Variants in ANKRD11 observed in about 807,000 individuals in gnomAD.
The protein encoded by ANKRD11 is ankyrin repeat domain 11, also known as ankyrin repeat domain-containing protein 11.
A neutral mutation model predicts 195.7 loss-of-function variants in ANKRD11; 17 were observed. The ratio of observed to expected loss-of-function variants is 0.09; its 90% CI spans 0.06 to 0.13. The LOEUF is 0.13. Among genes scored for constraint, ANKRD11 ranks in the 10% least tolerant of loss-of-function variants. The pLI, the probability that ANKRD11 is intolerant of heterozygous loss-of-function variation, is 1.00. For missense variants in ANKRD11, 3,735 were observed against 3,566.1 expected (o/e 1.05, Z -1.21); for synonymous variants, 1,953 against 1,528.1 (o/e 1.28, Z -6.49).
intron 3 of ANKRD11, 79 bp downstream of exon 3, chr16:89,316,854 C>T (rs903344547): frequency 9.8e-6 from 15 of 1,527,434 alleles, no homozygotes; most frequent in Non-Finnish European, 1.3e-5. Flanking sequence ...GAACAGGCCA[C>T]AGGCGGGCAG....
intron 2 of ANKRD11, among the ~76,000 whole-genome samples, chr16:89,407,455 G>T (rs1023924314): frequency 6.6e-6 from 1 of 152,082 alleles, no homozygotes; most frequent in South Asian, 2.1e-4. Context: ...CAGGGCCCCT[G>T]CCCCAAGCCA....
At position 89,283,363 on chromosome 16, in the gene ANKRD11, T is replaced by C; in HGVS notation, c.3179A>G (p.Lys1060Arg). 1.2e-6 allele frequency: 2 copies of C among 1,613,836 alleles called. No individual in the cohort carries two copies. Among genetic ancestry groups the C allele is most frequent in the Non-Finnish European group, 1.7e-6 (2 of 1,180,014 alleles). ...KEFDKCFKEKKDTKEKHKDTH... is the reference protein window; with the variant it reads ...KEFDKCFKEKRDTKEKHKDTH... ...GTCTTTATGTTTTTCCTTGGTATCT[T>C]TTTTCTCTTTAAAACATTTATCAAA... The change falls in exon 9 of 13, where the codon AAA becomes AGA. Residue 1060 changes from lysine (K) to arginine (R), a missense_variant. By Grantham distance (26) the Lys-to-Arg change is conservative (BLOSUM62 2). Coordinates refer to ENST00000301030, the MANE Select transcript of ANKRD11 (RefSeq NM_013275.6). This position sits in a 1 kb window ranked among gnomAD's most constrained non-coding sequence, Gnocchi z 4.3.
intron 2 of ANKRD11, chr16:89,324,197 AGC>A (rs1408792805): frequency 1.7e-6 from 2 of 1,175,754 alleles, no homozygotes; most frequent in East Asian, 1.3e-4. Flanking sequence ...CAGCACCGAG[AGC>A]GCGTTCAGCA....
chr16:89,304,584 GTACA>G (rs915507936), intron 4 of ANKRD11, among the ~76,000 whole-genome samples: 5 of 145,346 alleles, frequency 3.4e-5, no homozygotes, highest in African/African-American at 5.2e-5. Context: ...GTACATACAA[GTACA>G]TACACACACG....
At position 89,280,769 on chromosome 16, in the gene ANKRD11, G is replaced by A. The variant is rs199914958; in HGVS notation, c.5773C>T (p.Pro1925Ser). The A allele has an allele frequency of 2.5e-6, 4 of 1,612,066 alleles. No homozygotes were observed. Among genetic ancestry groups the A allele is most frequent in the Admixed American group, 1.7e-5 (1 of 59,942 alleles). The change falls in exon 9 of 13, where the codon CCC becomes TCC. Residue 1925 changes from proline to serine, a missense_variant. Physicochemically the swap from Pro to Ser is moderately conservative, Grantham distance 74. Transcript: ENST00000301030. ...EDQQATAAII[P>S]PEPSYLEPLD... ...GGCTCCAGGTAGCTGGGCTCCGGGGGGATGATGGCGGCCGTCGCCTGCTGG... is the reference window on the plus strand; with the variant it reads ...GGCTCCAGGTAGCTGGGCTCCGGGGAGATGATGGCGGCCGTCGCCTGCTGG...
intron 1 of ANKRD11, among the ~76,000 whole-genome samples, chr16:89,462,036 C>T (rs1333773120): frequency 1.4e-5 from 2 of 142,252 alleles, no homozygotes; most frequent in Non-Finnish European, 3.1e-5. Context: ...CTCCCTCCCC[C>T]TCTCCCTCTC....
chr16:89,345,355 G>T (rs1033233068), intron 2 of ANKRD11, among the ~76,000 whole-genome samples: 1 of 148,392 alleles, frequency 6.7e-6, no homozygotes, highest in Non-Finnish European at 1.5e-5. Flanking sequence ...CCGGCACCTG[G>T]TGCCCCATCT....
At chr16:89,344,153 G>A (rs1032156501) in intron 2 of ANKRD11, among the ~76,000 whole-genome samples, 1 of 152,164 alleles carries the variant, frequency 6.6e-6, no homozygotes, top group Non-Finnish European at 1.5e-5. Context: ...TCTGGGAGGA[G>A]CACACACGGG....
Position 89,285,959 on chromosome 16 carries a change from G to A in ANKRD11, c.892+80C>T, listed in dbSNP as rs1461030722. ...ATCCGAGGAGGAGCTGATCAGAGGGGCAACACTGTGCAAACACCACAGGGC... is the reference window on the plus strand; with the variant it reads ...ATCCGAGGAGGAGCTGATCAGAGGGACAACACTGTGCAAACACCACAGGGC... On this transcript the variant is annotated intron_variant, in intron 8 of 12. Transcript: ENST00000301030. The surrounding 1 kb of genome is among the most constrained non-coding windows in gnomAD (Gnocchi z 5.6). 2 of 1,604,380 alleles carry A rather than the reference G, an allele frequency of 1.2e-6. No individual in the cohort carries two copies. Among genetic ancestry groups the A allele is most frequent in the Non-Finnish European group, 1.7e-6 (2 of 1,174,066 alleles).
At chr16:89,324,257 T>C in intron 2 of ANKRD11, 1 of 1,228,050 alleles carries the variant, frequency 8.1e-7, no homozygotes, top group Non-Finnish European at 1.0e-6. Flanking sequence ...GTCACTGGGC[T>C]GTGGAACATA....
At chr16:89,482,571 A>G (rs1204471855) in intron 1 of ANKRD11, among the ~76,000 whole-genome samples, 1 of 152,224 alleles carries the variant, frequency 6.6e-6, no homozygotes, top group African/African-American at 2.4e-5. Flanking sequence ...ACTAATCAGC[A>G]GAGAGGGAGA....
chr16:89,343,880 C>T (rs1047920615), intron 2 of ANKRD11: 1 of 152,276 alleles, frequency 6.6e-6, no homozygotes, highest in South Asian at 2.1e-4. Flanking sequence ...CATGGACCAA[C>T]AGAGTAGGGA....
chr16:89,328,644 G>A (rs1445522867), intron 2 of ANKRD11, among the ~76,000 whole-genome samples: 1 of 151,240 alleles, frequency 6.6e-6, no homozygotes, highest in African/African-American at 2.4e-5. Context: ...AGGAGCACGG[G>A]CGAAATCAGC....
At position 89,279,022 on chromosome 16, in the gene ANKRD11, G is replaced by A. The variant is rs199500440; in HGVS notation, c.7470+50C>T. ...GAGGAAGCCGTGACTAGGGGCCCCAGACGCATCCCAGAGAGAGAAGGCAGT... is the reference window on the plus strand; with the variant it reads ...GAGGAAGCCGTGACTAGGGGCCCCAAACGCATCCCAGAGAGAGAAGGCAGT... On this transcript the variant is annotated intron_variant, in intron 9 of 12. Transcript: ENST00000301030. The surrounding 1 kb of genome is among the most constrained non-coding windows in gnomAD (Gnocchi z 5.6). 5.0e-6 allele frequency: 8 copies of A among 1,608,492 alleles called. No homozygotes were observed. The highest frequency in any genetic ancestry group is 5.9e-6 in the Non-Finnish European group (7 of 1,177,744).
At chr16:89,460,546 G>A (rs1459554176) in intron 1 of ANKRD11, among the ~76,000 whole-genome samples, 7 of 152,080 alleles carry the variant, frequency 4.6e-5, no homozygotes, top group South Asian at 2.1e-4. Flanking sequence ...GTGACAGAGC[G>A]AGATTCTGTC....
intron 1 of ANKRD11, among the ~76,000 whole-genome samples, chr16:89,477,623 C>G (rs1358035005): frequency 6.6e-6 from 1 of 150,720 alleles, no homozygotes; most frequent in African/African-American, 2.4e-5. Flanking sequence ...TCCCAAAGTG[C>G]TGGGATTACA....
intron 2 of ANKRD11, among the ~76,000 whole-genome samples, chr16:89,353,080 C>T (rs1449113609): frequency 1.3e-5 from 2 of 152,204 alleles, no homozygotes; most frequent in African/African-American, 2.4e-5. Flanking sequence ...TGGCTCACGC[C>T]TGTAATTAAT....
intron 2 of ANKRD11, among the ~76,000 whole-genome samples, chr16:89,413,068 G>A (rs376004896): frequency 3.3e-5 from 5 of 152,174 alleles, no homozygotes; most frequent in African/African-American, 4.8e-5. Context: ...AGCCTGGAGG[G>A]GGAGGGAGTA....
intron 3 of ANKRD11, among the ~76,000 whole-genome samples, chr16:89,314,088 G>A (rs145580079): frequency 4.9e-4 from 74 of 152,296 alleles, no homozygotes; most frequent in Non-Finnish European, 7.5e-4. Flanking sequence ...GCCGGGTGTA[G>A]CGGTCTGCTC....
Sources: gnomAD v4.1 joint callset for allele counts (sites outside exome capture counted in the v4.1 genomes callset) on GRCh38, gnomAD v4.1.1 for gene constraint, Gnocchi (gnomAD v3.1) non-coding constraint, MANE v1.5 for transcripts, NCBI Gene and HGNC (gene_info 2026-07-23, HGNC 2026-07-21) for gene names.